Variants in TMEM116 observed in about 807,000 individuals in gnomAD.
The protein encoded by TMEM116 is transmembrane protein 116.
Under a neutral mutation model 44.3 loss-of-function variants are expected in TMEM116, and 38 were observed. That is an observed-to-expected ratio of 0.86 (90% CI 0.66 to 1.12). The LOEUF (loss-of-function observed/expected upper bound fraction) is 1.12, where lower values mean the gene tolerates loss of function less well. Ranked by LOEUF, TMEM116 falls within the 50% of genes most tolerant of loss-of-function variation. The probability of loss-of-function intolerance (pLI) is 0.00; values close to 1 mark genes in which losing one functional copy is unlikely to be tolerated. For missense variants in TMEM116, 354 were observed against 401.7 expected, an observed-to-expected ratio of 0.88 and a Z score of 1.01; for synonymous variants, 132 against 144.8, an observed-to-expected ratio of 0.91 and a Z score of 0.64.
chr12:111,986,866 T>A (rs999527955), intron 4 of TMEM116, among the ~76,000 whole-genome samples: 1 of 152,076 alleles, frequency 6.6e-6, no homozygotes, highest in Non-Finnish European at 1.5e-5. Context: ...AAGAATGAAG[T>A]TGGACCCTTA....
chr12:111,993,768 T>A, intron 3 of TMEM116: 1 of 713,070 alleles, frequency 1.4e-6, no homozygotes, highest in Non-Finnish European at 2.7e-6. Flanking sequence ...AGGAGCTGGT[T>A]GTAACATTTG....
At chr12:111,951,641 AAC>A (rs1379180965) in intron 4 of TMEM116, among the ~76,000 whole-genome samples, 1 of 152,126 alleles carries the variant, frequency 6.6e-6, no homozygotes, top group African/African-American at 2.4e-5. Flanking sequence ...AGAGGGAAAC[AAC>A]ACACACTGGG....
intron 1 of TMEM116, among the ~76,000 whole-genome samples, chr12:112,006,532 A>T (rs2077594727): frequency 6.6e-6 from 1 of 152,278 alleles, no homozygotes; most frequent in Admixed American, 6.5e-5. Flanking sequence ...GTCATAAATT[A>T]CATTATTCAT....
At chr12:112,004,380 G>A (rs959094726) in intron 2 of TMEM116, among the ~76,000 whole-genome samples, 1 of 151,980 alleles carries the variant, frequency 6.6e-6, no homozygotes, top group Non-Finnish European at 1.5e-5. Flanking sequence ...CAACTCCTGG[G>A]CTAAAGTGAT....
intron 3 of TMEM116, among the ~76,000 whole-genome samples, chr12:111,997,792 T>C (rs1233964457): frequency 1.3e-5 from 2 of 152,010 alleles, no homozygotes; most frequent in Admixed American, 1.3e-4. Context: ...AACAGAAACA[T>C]AAAAAAGTGA....
chr12:111,978,001 T>C (rs1051752802), intron 4 of TMEM116, among the ~76,000 whole-genome samples: 6 of 149,812 alleles, frequency 4.0e-5, no homozygotes, highest in Admixed American at 2.0e-4. Context: ...AAAGAACAGA[T>C]ACAACAAATA....
intron 4 of TMEM116, among the ~76,000 whole-genome samples, chr12:111,984,169 A>G: frequency 6.6e-6 from 1 of 152,208 alleles, no homozygotes; most frequent in Non-Finnish European, 1.5e-5. Context: ...CTCCCAAACT[A>G]GGAACAGAAG....
At chr12:111,953,869 A>G (rs975272824) in intron 4 of TMEM116, among the ~76,000 whole-genome samples, 4 of 152,208 alleles carry the variant, frequency 2.6e-5, no homozygotes, top group Non-Finnish European at 4.4e-5. Context: ...ACAAGAACAC[A>G]TTTAAAACTA....
chr12:112,009,480 A>G (rs2077737117), intron 1 of TMEM116, among the ~76,000 whole-genome samples: 1 of 150,680 alleles, frequency 6.6e-6, no homozygotes, highest in Admixed American at 6.6e-5. Context: ...TGTCCAAAAG[A>G]TGTGTTTGCA....
intron 4 of TMEM116, among the ~76,000 whole-genome samples, chr12:111,970,590 T>G (rs1321785020): frequency 1.3e-5 from 2 of 150,236 alleles, no homozygotes; most frequent in Non-Finnish European, 3.0e-5. Flanking sequence ...AAATGGGTTT[T>G]TTTTTTTTTT....
intron 7 of TMEM116, 84 bp downstream of exon 7, chr12:111,937,076 T>C (rs968594799): frequency 1.8e-5 from 24 of 1,312,742 alleles, no homozygotes; most frequent in Non-Finnish European, 2.5e-5. Flanking sequence ...GTCAGAATTA[T>C]GTGGAAAGTC....
At chr12:111,933,519 C>T (rs1440596345) in intron 9 of TMEM116, among the ~76,000 whole-genome samples, 2 of 143,532 alleles carry the variant, frequency 1.4e-5, no homozygotes, top group Admixed American at 7.1e-5. Flanking sequence ...GATGGAGTCT[C>T]GCCCTGTCAC....
At chr12:111,979,290 A>G (rs915265764) in intron 4 of TMEM116, among the ~76,000 whole-genome samples, 6 of 152,132 alleles carry the variant, frequency 3.9e-5, no homozygotes, top group African/African-American at 1.4e-4. Context: ...TATATACACA[A>G]TAGAATATTA....
chr12:111,956,941 A>G (rs1166389184), intron 4 of TMEM116, among the ~76,000 whole-genome samples: 3 of 151,818 alleles, frequency 2.0e-5, no homozygotes, highest in Admixed American at 6.6e-5. Flanking sequence ...CACCCCGTAT[A>G]GGAAGTGAGG....
chr12:111,980,367 A>T (rs763954345), intron 4 of TMEM116, among the ~76,000 whole-genome samples: 9 of 152,210 alleles, frequency 5.9e-5, no homozygotes, highest in Admixed American at 6.5e-5. Flanking sequence ...TAAAAAGGCA[A>T]AACTATAGAA....
intron 8 of TMEM116, chr12:111,935,130 T>C (rs2072029815): frequency 6.6e-6 from 1 of 152,246 alleles, no homozygotes; most frequent in African/African-American, 2.4e-5. Context: ...AGTCTTGCTC[T>C]GTTGCCCGGG....
intron 4 of TMEM116, among the ~76,000 whole-genome samples, chr12:111,977,858 T>A (rs1410104554): frequency 1.3e-5 from 2 of 151,988 alleles, no homozygotes; most frequent in Non-Finnish European, 2.9e-5. Flanking sequence ...TTAGTAAATG[T>A]GTAAGACAAA....
intron 5 of TMEM116, among the ~76,000 whole-genome samples, chr12:111,940,559 ATATG>A (rs201649047): frequency 1.6e-5 from 2 of 126,170 alleles, no homozygotes; most frequent in African/African-American, 6.3e-5. Flanking sequence ...ACACACATAT[ATATG>A]TGTGTATATA....
At chr12:111,952,463 C>T (rs371451098) in intron 4 of TMEM116, among the ~76,000 whole-genome samples, 117 of 152,282 alleles carry the variant, frequency 7.7e-4, no homozygotes, top group African/African-American at 2.7e-3. Flanking sequence ...CACATAAATA[C>T]AAGAGGTCTG....
Sources: allele counts gnomAD v4.1 joint callset (sites outside exome capture counted in the v4.1 genomes callset), GRCh38; gene constraint gnomAD v4.1.1; transcripts MANE v1.5; gene names NCBI Gene and HGNC (gene_info 2026-07-23, HGNC 2026-07-21).